The following FAM20C variants were observed in gnomAD, a reference collection of about 807,000 sequenced individuals.
FAM20C encodes extracellular serine/threonine protein kinase FAM20C.
Under a neutral mutation model 51.5 loss-of-function variants are expected in FAM20C, and 40 were observed. The ratio of observed to expected loss-of-function variants is 0.78; its 90% CI spans 0.60 to 1.01. The LOEUF (loss-of-function observed/expected upper bound fraction) is 1.01, where lower values mean the gene tolerates loss of function less well. Among genes scored for constraint, FAM20C ranks in the 50% least tolerant of loss-of-function variants. The pLI is 0.00. For missense variants in FAM20C, 861 were observed against 844.7 expected, an observed-to-expected ratio of 1.02 and a Z score of -0.24; for synonymous variants, 406 against 380.6, an observed-to-expected ratio of 1.07 and a Z score of -0.78.
Position 206,409 on chromosome 7 carries a change from G to A in FAM20C, c.785-2489G>A, listed in dbSNP as rs1007881319. ...CTTCCCTTTCCCTGGGACCCCCTGA[G>A]ACCTGCTGGCTCACCAGCCCCCATC... On this transcript the variant is annotated intron_variant, in intron 2 of 9. Transcript: ENST00000313766. 9.9e-5 allele frequency among the ~76,000 whole-genome samples: 15 copies of A among 152,260 alleles called. No homozygotes were observed. The South Asian group carries it at 1.2e-3, about 13-fold the overall frequency.
At position 258,334 on chromosome 7, in the gene FAM20C, AGATGGGCAGGGTGGACCCACTGCCTGAGG is replaced by A. The variant is rs1278124629; in HGVS notation, c.1446-311_1446-283del. Among the ~76,000 whole-genome samples the A allele has an allele frequency of 1.3e-4, 13 of 102,214 alleles. 1 individual carries two copies. Among genetic ancestry groups the A allele is most frequent in the African/African-American group, 4.3e-4 (11 of 25,862 alleles). 67.1% of individuals were successfully genotyped at this position (102,214 alleles called of 152,430 possible). A position where few individuals can be genotyped will look rare whatever the true frequency, so the allele number is the denominator to read the frequency against. ...ATGGACCCACTGCCCGGGGTGCTGG[AGATGGGCAGGGTGGACCCACTGCCTGAGG>A]TGCTGGAGATGGGCAGGGTGGACCC... is the stretch of plus-strand genomic sequence containing the variant. On this transcript the variant is annotated intron_variant, in intron 8 of 9. Coordinates refer to ENST00000313766, the MANE Select transcript of FAM20C (RefSeq NM_020223.4).
chr7:205,965 C>G (rs888415682), intron 2 of FAM20C, among the ~76,000 whole-genome samples: 2 of 152,080 alleles, frequency 1.3e-5, no homozygotes, highest in South Asian at 4.1e-4. Context: ...ACCAAACCTA[C>G]AAACCCATCT....
chr7:253,368 G>A (rs1201191392), intron 5 of FAM20C, among the ~76,000 whole-genome samples: 1 of 152,224 alleles, frequency 6.6e-6, no homozygotes, highest in Non-Finnish European at 1.5e-5. Flanking sequence ...CTTCGTCCTT[G>A]CCAGGAGCCA....
In FAM20C at chr7:246,522, C is replaced by T. The variant is rs1788168009; in HGVS notation, c.956+15C>T. 6.5e-7 allele frequency: 1 copy of T among 1,532,214 alleles called. No homozygotes were observed. Among genetic ancestry groups the T allele is most frequent in the South Asian group, 1.2e-5 (1 of 83,744 alleles). 94.9% of individuals were successfully genotyped at this position (1,532,214 alleles called of 1,614,324 possible). On this transcript the variant is annotated intron_variant, in intron 4 of 9. Coordinates refer to ENST00000313766, the MANE Select transcript of FAM20C (RefSeq NM_020223.4). Reference sequence around the variant, plus strand: ...CACCTGGACAGGTGAGCCCTTCCTTCCTCCCTCCATCCGCGCTCCCGTGCG... The same window carrying T: ...CACCTGGACAGGTGAGCCCTTCCTTTCTCCCTCCATCCGCGCTCCCGTGCG...
At chr7:229,199 A>C in intron 3 of FAM20C, 1 of 255,860 alleles carries the variant, frequency 3.9e-6, no homozygotes, top group South Asian at 5.1e-5. Context: ...CTGGGCTCCG[A>C]TGTGTGGGAA....
At chr7:204,221 A>AC (rs139085908) in intron 2 of FAM20C, among the ~76,000 whole-genome samples, 8,462 of 149,280 alleles carry the variant, frequency 0.057, 312 homozygotes, top group Non-Finnish European at 0.086. Context: ...GTCATTGAAA[A>AC]CCCCCCGGTA....
intron 3 of FAM20C, chr7:227,583 A>T (rs559556774): frequency 3.3e-5 from 5 of 151,980 alleles, no homozygotes; most frequent in African/African-American, 1.2e-4. Context: ...CCCTTTTATT[A>T]CTTTGAAATG....
Position 193,579 on chromosome 7 carries a change from G to T in FAM20C, c.380G>T (p.Gly127Val), listed in dbSNP as rs1583269682. The change falls in exon 1 of 10, where the codon GGC (glycine) becomes GTC (valine). Residue 127 changes from glycine (G) to valine (V), a missense_variant. Physicochemically the swap from Gly to Val is moderately radical, Grantham distance 109. Coordinates refer to ENST00000313766, the MANE Select transcript of FAM20C (RefSeq NM_020223.4). ...AERALRGRDPGALRPHDPAHR... is the reference protein window; with the variant it reads ...AERALRGRDPVALRPHDPAHR... ...CGCGCCTTGCGGGGGCGGGATCCCGGCGCCCTAAGACCCCACGACCCCGCG... is the reference window on the plus strand; with the variant it reads ...CGCGCCTTGCGGGGGCGGGATCCCGTCGCCCTAAGACCCCACGACCCCGCG... The T allele has an allele frequency of 4.0e-6, 6 of 1,500,884 alleles. No individual in the cohort carries two copies. The highest frequency in any genetic ancestry group is 2.2e-5 in the Admixed American group (1 of 45,920). 93.0% of individuals were successfully genotyped at this position (1,500,884 alleles called of 1,614,324 possible).
At position 195,548 on chromosome 7, in the gene FAM20C, C is replaced by T. The variant is rs775090347; in HGVS notation, c.606-6C>T. On this transcript the variant is annotated splice_region_variant and splice_polypyrimidine_tract_variant and intron_variant, in intron 1 of 9. Coordinates refer to ENST00000313766, the MANE Select transcript of FAM20C (RefSeq NM_020223.4). ...TGCTGATGTTCGTCCTCGCTGCTCC[C>T]TGCAGGCCGCATGCGGGTGCTGAAG... 6 of 1,561,982 alleles carry T rather than the reference C, an allele frequency of 3.8e-6. No homozygotes were observed. In the Admixed American group the frequency reaches 1.1e-4, roughly 28 times the overall value.
chr7:242,418 G>C (rs908899916), intron 3 of FAM20C, among the ~76,000 whole-genome samples: 2 of 152,134 alleles, frequency 1.3e-5, no homozygotes, highest in Non-Finnish European at 2.9e-5. Context: ...TCCTGGAGGC[G>C]GTGGCCAGGA....
Position 246,315 on chromosome 7 carries a change from C to T in FAM20C, c.864-100C>T, listed in dbSNP as rs534901269. 1.5e-3 allele frequency: 1,520 copies of T among 1,006,904 alleles called. 13 individuals carry two copies. The highest frequency in any genetic ancestry group is 0.014 in the South Asian group (1,056 of 72,828). The allele number at this position is 1,006,904 out of a possible 1,614,324, so 62.4% of individuals were successfully genotyped here. A position where few individuals can be genotyped will look rare whatever the true frequency, so the allele number is the denominator to read the frequency against. On this transcript the variant is annotated intron_variant, in intron 3 of 9. Coordinates refer to ENST00000313766, the MANE Select transcript of FAM20C (RefSeq NM_020223.4). The stretch of plus-strand genomic sequence containing the variant: ...GGCCCTGAGGAGGCTGGAGCTCCAC[C>T]GCATTTTTCATATGAGGAACCCAGC...
intron 5 of FAM20C, among the ~76,000 whole-genome samples, chr7:251,202 A>ATGGCTGCACTGAGTGGC (rs1459632410): frequency 1.4e-5 from 2 of 147,872 alleles, no homozygotes; most frequent in Admixed American, 6.7e-5. Flanking sequence ...ACGGCGGCTC[A>ATGGCTGCACTGAGTGGC]CGGCTGCACT....
chr7:195,916 C>T (rs1056067480), intron 2 of FAM20C, among the ~76,000 whole-genome samples, 184 bp downstream of exon 2: 16 of 152,336 alleles, frequency 1.1e-4, no homozygotes, highest in African/African-American at 3.4e-4. Flanking sequence ...TGTGCTCTCA[C>T]ACTGGATGTG....
intron 3 of FAM20C, among the ~76,000 whole-genome samples, chr7:216,626 TGTGTGAGTGTGTGTGA>T (rs1786979662): frequency 3.2e-5 from 2 of 62,384 alleles, no homozygotes; most frequent in African/African-American, 1.5e-4. Context: ...TGTATGAGTG[TGTGTGAGTGTGTGTGA>T]GTGTGTGTGA....
Position 258,633 on chromosome 7 carries a change from T to C in FAM20C, c.1446-13T>C, listed in dbSNP as rs1788744047. The C allele has an allele frequency of 1.3e-6, 2 of 1,536,598 alleles. No homozygotes were observed. Among genetic ancestry groups the C allele is most frequent in the Admixed American group, 2.0e-5 (1 of 50,952 alleles). On this transcript the variant is annotated splice_polypyrimidine_tract_variant and intron_variant, in intron 8 of 9. Coordinates refer to ENST00000313766, the MANE Select transcript of FAM20C (RefSeq NM_020223.4). ...TACAGGGGCCCTTGACAATTCTGCT[T>C]TTCTTCTGGAAGGTTTGGGAAGTAT...
chr7:251,872 C>T (rs1000694901), intron 5 of FAM20C, among the ~76,000 whole-genome samples: 1 of 152,216 alleles, frequency 6.6e-6, no homozygotes, highest in Non-Finnish European at 1.5e-5. Flanking sequence ...CATGTCCCTG[C>T]CTGGACAGAC....
intron 2 of FAM20C, among the ~76,000 whole-genome samples, chr7:201,728 A>G (rs1313561788): frequency 6.6e-6 from 1 of 152,222 alleles, no homozygotes; most frequent in Non-Finnish European, 1.5e-5. Flanking sequence ...AAATGCCAGC[A>G]TCTCTTGGAG....
Position 205,723 on chromosome 7 carries a change from A to G in FAM20C, c.785-3175A>G, listed in dbSNP as rs144829681. Among the ~76,000 whole-genome samples, 830 of 152,180 alleles carry G rather than the reference A, an allele frequency of 5.5e-3. 10 individuals carry two copies. Among genetic ancestry groups the G allele is most frequent in the African/African-American group, 0.018 (739 of 41,506 alleles). Reference sequence around the variant, plus strand: ...AGTACCAGCTCCTCCCTTGTGCCCAAGTGAAGCCCTGTGGATGGTGGGGAC... The same window carrying G: ...AGTACCAGCTCCTCCCTTGTGCCCAGGTGAAGCCCTGTGGATGGTGGGGAC... On this transcript the variant is annotated intron_variant, in intron 2 of 9. Coordinates refer to ENST00000313766, the MANE Select transcript of FAM20C (RefSeq NM_020223.4).
intron 2 of FAM20C, among the ~76,000 whole-genome samples, chr7:197,776 G>C (rs907013613): frequency 2.0e-5 from 3 of 152,202 alleles, no homozygotes; most frequent in Non-Finnish European, 2.9e-5. Context: ...ACACTGAAGA[G>C]GTGTGGGAGT....
Sources: gnomAD v4.1 joint callset for allele counts (sites outside exome capture counted in the v4.1 genomes callset) on GRCh38, gnomAD v4.1.1 for gene constraint, MANE v1.5 for transcripts, NCBI Gene and HGNC (gene_info 2026-07-23, HGNC 2026-07-21) for gene names.